Variants in THBS4 observed in about 807,000 individuals in gnomAD.
The protein encoded by THBS4 is thrombospondin-4.
In THBS4, 90 loss-of-function variants were observed where a neutral mutation model predicts 115.7. The ratio of observed to expected loss-of-function variants is 0.78; its 90% CI spans 0.66 to 0.93. THBS4 has a LOEUF of 0.93. Ranked by LOEUF, THBS4 falls within the 40% of genes least tolerant of loss-of-function variation. THBS4 has a pLI of 0.00. For synonymous variants in THBS4, 460 were observed against 479.3 expected (o/e 0.96, Z 0.53); for missense variants, 1,087 against 1,232.7 (o/e 0.88, Z 1.77).
chr5:80,065,800 T>TAATA (rs1206571012), intron 9 of THBS4, among the ~76,000 whole-genome samples: 4 of 152,188 alleles, frequency 2.6e-5, no homozygotes, highest in African/African-American at 9.7e-5. Flanking sequence ...TAGTTTATAT[T>TAATA]AATAGTTCAG....
intron 1 of THBS4, among the ~76,000 whole-genome samples, chr5:80,038,644 T>C (rs1005525537): frequency 6.6e-6 from 1 of 152,186 alleles, no homozygotes; most frequent in African/African-American, 2.4e-5. Flanking sequence ...TTTACCTCTC[T>C]TCCAATTAGA....
rs185210342 is a variant in THBS4, at chr5:80,065,378, G to A, written c.1126-31G>A. On this transcript the variant is annotated intron_variant, in intron 8 of 21. Coordinates refer to ENST00000350881, the MANE Select transcript of THBS4 (RefSeq NM_003248.6). ...CATTTCTATTTAAGCAGCATGTCTCGCTAAACTTTCTTTGAACTTTTCTGC... is the reference window on the plus strand; with the variant it reads ...CATTTCTATTTAAGCAGCATGTCTCACTAAACTTTCTTTGAACTTTTCTGC... 22 of 1,593,808 alleles carry A rather than the reference G, an allele frequency of 1.4e-5. No homozygotes were observed. The East Asian group carries it at 2.3e-4, about 16-fold the overall frequency.
At chr5:79,999,849 C>T (rs1419674922) in intron 2 of THBS4, among the ~76,000 whole-genome samples, 1 of 152,194 alleles carries the variant, frequency 6.6e-6, no homozygotes, top group East Asian at 1.9e-4. Context: ...TTACTCACAT[C>T]AGTGCTTTAA....
chr5:80,083,188 T>C lies in THBS4; in HGVS notation c.*47T>C, dbSNP rs1743618904. On this transcript the variant is annotated 3_prime_UTR_variant, in exon 22 of 22. Transcript: ENST00000350881. ...TGCTTTTCGGAACACTAAAACCATA[T>C]ATATTTTAACTTCAATTTTCTTTAG... 3 of 1,523,118 alleles carry C rather than the reference T, an allele frequency of 2.0e-6. No individual in the cohort carries two copies. The highest frequency in any genetic ancestry group is 1.4e-5 in the African/African-American group (1 of 72,892). 94.4% of individuals were successfully genotyped at this position (1,523,118 alleles called of 1,614,324 possible). A position where few individuals can be genotyped will look rare whatever the true frequency, so the allele number is the denominator to read the frequency against.
chr5:80,070,439 A>G, intron 11 of THBS4, 29 bp downstream of exon 11: 1 of 1,595,184 alleles, frequency 6.3e-7, no homozygotes, highest in Non-Finnish European at 8.6e-7. Flanking sequence ...CAGTAGGCAC[A>G]CATGCACTGT....
intron 5 of THBS4, 66 bp from the exon 6 acceptor site, chr5:80,059,374 T>A (rs1833545656): frequency 6.7e-7 from 1 of 1,498,964 alleles, no homozygotes; most frequent in Non-Finnish European, 9.2e-7. Context: ...CCACATGGAT[T>A]CTTTCATTCC....
Position 80,080,196 on chromosome 5 carries a change from A to G in THBS4, c.2684+119A>G, listed in dbSNP as rs1242450178. On this transcript the variant is annotated intron_variant, in intron 20 of 21. Transcript: ENST00000350881. ...CTAGGATAGTCCCCAAGGACATGCC[A>G]GGACTTTTGTGACCGCAGGATGGGG... 4.0e-6 allele frequency: 5 copies of G among 1,260,696 alleles called. No individual in the cohort carries two copies. The African/African-American group carries it at 6.1e-5, about 15-fold the overall frequency. The allele number at this position is 1,260,696 out of a possible 1,614,324, so 78.1% of individuals were successfully genotyped here.
chr5:80,078,964 C>G lies in THBS4; in HGVS notation c.2309C>G (p.Ala770Gly), dbSNP rs1288893531. 1.9e-5 allele frequency: 31 copies of G among 1,614,138 alleles called. No homozygotes were observed. In the East Asian group the frequency reaches 6.9e-4, roughly 36 times the overall value. The stretch of plus-strand genomic sequence containing the variant: ...ACCATGAACAGTGATCCTGGCCTGG[C>G]AGTGGGTATGTCCAGGGCCTCAGTT... The part of the protein sequence containing the change: ...VQTMNSDPGL[A>G]VGYTAFNGVD... The change falls in exon 18 of 22, where the codon GCA (alanine) becomes GGA (glycine). Residue 770 changes from alanine to glycine, a missense_variant. Physicochemically the swap from Ala to Gly is moderately conservative, Grantham distance 60. Coordinates refer to ENST00000350881, the MANE Select transcript of THBS4 (RefSeq NM_003248.6).
chr5:80,082,974 G>GAC, intron 21 of THBS4, 106 bp from the exon 22 acceptor site: 1 of 660,366 alleles, frequency 1.5e-6, no homozygotes, highest in Non-Finnish European at 2.2e-6. Context: ...GGGCGTCCTG[G>GAC]GCGGGCTAAC....
chr5:80,008,861 AG>A (rs1832068455), intron 2 of THBS4, among the ~76,000 whole-genome samples: 1 of 152,178 alleles, frequency 6.6e-6, no homozygotes, highest in Non-Finnish European at 1.5e-5. Context: ...CCCTGTTCTG[AG>A]GGAAGAAGCT....
intron 2 of THBS4, among the ~76,000 whole-genome samples, chr5:80,006,524 C>T (rs1305149236): frequency 2.0e-5 from 3 of 152,154 alleles, no homozygotes; most frequent in Non-Finnish European, 2.9e-5. Flanking sequence ...TTGTAAATTG[C>T]CCATCAGCAG....
intron 20 of THBS4, among the ~76,000 whole-genome samples, chr5:80,081,047 C>T (rs1003947454): frequency 1.3e-5 from 2 of 152,068 alleles, no homozygotes; most frequent in African/African-American, 4.8e-5. Flanking sequence ...AGTTAGGAGG[C>T]TTAGGGCTGT....
At chr5:80,072,927 C>G (rs899142179) in intron 14 of THBS4, among the ~76,000 whole-genome samples, 1 of 152,208 alleles carries the variant, frequency 6.6e-6, no homozygotes, top group Non-Finnish European at 1.5e-5. Flanking sequence ...ATTGCAGAAG[C>G]AAAGCAAAAT....
At chr5:80,055,308 T>G (rs1247864885) in intron 2 of THBS4, among the ~76,000 whole-genome samples, 1 of 147,226 alleles carries the variant, frequency 6.8e-6, no homozygotes, top group African/African-American at 2.5e-5. Context: ...GGGGACAGAG[T>G]GAGATCCTGT....
intron 2 of THBS4, among the ~76,000 whole-genome samples, chr5:80,010,599 G>C (rs965236461): frequency 3.9e-5 from 6 of 152,192 alleles, no homozygotes; most frequent in African/African-American, 1.4e-4. Flanking sequence ...TTGCTGGGTG[G>C]GTCCCCCAGG....
At position 80,058,262 on chromosome 5, in the gene THBS4, C is replaced by A. The variant is rs929355607; in HGVS notation, c.597C>A (p.Ser199Arg). The A allele has an allele frequency of 1.9e-6, 3 of 1,578,492 alleles. No homozygotes were observed. The highest frequency in any genetic ancestry group is 1.7e-6 in the Non-Finnish European group (2 of 1,161,022). The change falls in exon 4 of 22, where the codon AGC (serine) becomes AGA (arginine). Residue 199 changes from serine to arginine, a missense_variant. Around this residue, in one of 3 missense-constraint regions of THBS4, gnomAD observed 979 missense variants for 1,103.7 expected, o/e 0.89. Transcript: ENST00000350881. ...GAGGCTCACTGTTCCAGGTGGCCAG[C>A]CTGCAAGACTGCTTCCTGCAGCAGA... is the stretch of plus-strand genomic sequence containing the variant. ...VVRGSLFQVA[S>R]LQDCFLQQSE...
intron 2 of THBS4, among the ~76,000 whole-genome samples, chr5:80,025,087 AAGATT>A (rs1404314807): frequency 6.6e-6 from 1 of 152,192 alleles, no homozygotes; most frequent in Non-Finnish European, 1.5e-5. Context: ...CATTGTTGTA[AAGATT>A]AGATGAGATC....
chr5:80,059,856 G>T lies in THBS4; in HGVS notation c.938G>T (p.Cys313Phe). The T allele has an allele frequency of 6.2e-7, 1 of 1,613,786 alleles. No homozygotes were observed. Among genetic ancestry groups the T allele is most frequent in the Non-Finnish European group, 8.5e-7 (1 of 1,179,944 alleles). ...AGAGATGGCTTCCAGTGTGGGCCCT[G>T]CCCCGAGGGCTACACAGGAAACGGG... The part of the protein sequence containing the change: ...DSRDGFQCGP[C>F]PEGYTGNGIT... The change falls in exon 7 of 22, where the codon TGC becomes TTC. Residue 313 changes from cysteine (C) to phenylalanine (F), a missense_variant. By Grantham distance (205) the Cys-to-Phe change is radical (BLOSUM62 -2). Coordinates refer to ENST00000350881, the MANE Select transcript of THBS4 (RefSeq NM_003248.6).
chr5:80,069,378 G>C (rs1330463957), intron 10 of THBS4, among the ~76,000 whole-genome samples: 2 of 152,170 alleles, frequency 1.3e-5, no homozygotes, highest in Non-Finnish European at 2.9e-5. Context: ...ATCAGAGGGG[G>C]AATAACCCCA....
Sources: allele counts gnomAD v4.1 joint callset (sites outside exome capture counted in the v4.1 genomes callset), GRCh38; gene constraint gnomAD v4.1.1; regional missense constraint gnomAD v4.1.1; transcripts MANE v1.5; gene names NCBI Gene and HGNC (gene_info 2026-07-23, HGNC 2026-07-21).